The following LRRK1 variants were observed in gnomAD, a reference collection of about 807,000 sequenced individuals.
LRRK1 encodes leucine rich repeat kinase 1, also known as leucine-rich repeat serine/threonine-protein kinase 1.
A neutral mutation model predicts 209.1 loss-of-function variants in LRRK1; 113 were observed. The observed-to-expected ratio is 0.54, with a 90% CI of 0.46 to 0.63. LRRK1 has a LOEUF of 0.63. Among genes scored for constraint, LRRK1 ranks in the 30% least tolerant of loss-of-function variants. LRRK1 has a pLI of 0.00. For missense variants in LRRK1, 2,284 were observed against 2,632.2 expected, an observed-to-expected ratio of 0.87 and a Z score of 2.89; for synonymous variants, 1,144 against 1,099.7, an observed-to-expected ratio of 1.04 and a Z score of -0.80.
At chr15:100,934,626 CAAAAAAAAAAAAAA>C (rs71151991) in intron 2 of LRRK1, among the ~76,000 whole-genome samples, 3 of 72,384 alleles carry the variant, frequency 4.1e-5, no homozygotes, top group Admixed American at 1.5e-4. Context: ...CCCATCTCTA[CAAAAAAAAAAAAAA>C]AAAAAAAAAA....
chr15:101,031,798 G>A (rs755568874), intron 20 of LRRK1, among the ~76,000 whole-genome samples: 14 of 151,170 alleles, frequency 9.3e-5, no homozygotes, highest in Admixed American at 2.6e-4. Flanking sequence ...GCAGTGGCAC[G>A]ATCTTGGCTC....
At chr15:100,929,052 C>CT (rs1316397951) in intron 2 of LRRK1, among the ~76,000 whole-genome samples, 1 of 152,132 alleles carries the variant, frequency 6.6e-6, no homozygotes, top group African/African-American at 2.4e-5. Flanking sequence ...GGCTGCAGGA[C>CT]GCGCATTACT....
chr15:100,929,638 G>C (rs1596156354), intron 2 of LRRK1, among the ~76,000 whole-genome samples: 1 of 152,196 alleles, frequency 6.6e-6, no homozygotes, highest in East Asian at 1.9e-4. Flanking sequence ...GTCTACGAGG[G>C]ACAGATCCCC....
chr15:101,068,317 T>G (rs986448362), intron 33 of LRRK1, among the ~76,000 whole-genome samples: 3 of 152,132 alleles, frequency 2.0e-5, no homozygotes, highest in African/African-American at 4.8e-5. Context: ...TCATGAGCCA[T>G]TCACAAGCAG....
chr15:101,052,360 G>A (rs952488303), intron 24 of LRRK1, among the ~76,000 whole-genome samples: 1 of 152,056 alleles, frequency 6.6e-6, no homozygotes, highest in Non-Finnish European at 1.5e-5. Context: ...GGGGAGAGAA[G>A]GGAGAGCTCC....
chr15:101,053,117 T>G, intron 25 of LRRK1, 29 bp downstream of exon 25: 1 of 1,596,044 alleles, frequency 6.3e-7, no homozygotes, highest in Non-Finnish European at 8.5e-7. Context: ...GGTGCTGTTT[T>G]TCTCAGACAT....
chr15:100,953,639 A>G (rs938479656), intron 2 of LRRK1, among the ~76,000 whole-genome samples: 2 of 151,996 alleles, frequency 1.3e-5, no homozygotes, highest in African/African-American at 4.8e-5. Flanking sequence ...ACATACCGTT[A>G]ATATGGGGTT....
Position 101,046,151 on chromosome 15 carries a change from A to G in LRRK1, c.3134A>G (p.Gln1045Arg). The part of the protein sequence containing the change: ...MLISLAEMDL[Q>R]LFENKKNTKS... ...ATCAGCCTGGCGGAGATGGACCTGC[A>G]GGTATTATGGCTGCGGTTTCTGCAT... Residue 1045 changes from glutamine to arginine, a missense_variant and splice_region_variant, in exon 21 of 34, where the codon CAG becomes CGG. By Grantham distance (43) the Gln-to-Arg change is conservative. Coordinates refer to ENST00000388948, the MANE Select transcript of LRRK1 (RefSeq NM_024652.6). 6.2e-7 allele frequency: 1 copy of G among 1,614,132 alleles called. No individual in the cohort carries two copies.
chr15:100,940,964 C>T (rs1357104925), intron 2 of LRRK1, among the ~76,000 whole-genome samples: 1 of 152,242 alleles, frequency 6.6e-6, no homozygotes, highest in South Asian at 2.1e-4. Context: ...GACATTGTCA[C>T]TGTCAGCTGC....
Position 101,051,702 on chromosome 15 carries a change from C to G in LRRK1, c.3440-9C>G, listed in dbSNP as rs1447142819. The G allele has an allele frequency of 6.2e-7, 1 of 1,613,006 alleles. No homozygotes were observed. The highest frequency in any genetic ancestry group is 1.3e-5 in the African/African-American group (1 of 75,036). ...TTGTGAAGCTGTCTCCTGCTCTGTC[C>G]TTATTTAGCCCTGACAGCCACAGAG... On this transcript the variant is annotated splice_polypyrimidine_tract_variant and intron_variant, in intron 23 of 33. Coordinates refer to ENST00000388948, the MANE Select transcript of LRRK1 (RefSeq NM_024652.6).
chr15:100,974,699 T>A (rs973287308), intron 3 of LRRK1, among the ~76,000 whole-genome samples: 2 of 152,240 alleles, frequency 1.3e-5, no homozygotes, highest in African/African-American at 4.8e-5. Context: ...CATTCTTTTC[T>A]TATGGTAATG....
At chr15:100,952,334 A>G (rs1458727465) in intron 2 of LRRK1, among the ~76,000 whole-genome samples, 1 of 152,236 alleles carries the variant, frequency 6.6e-6, no homozygotes, top group Non-Finnish European at 1.5e-5. Context: ...ATCTCTCAAT[A>G]AAGCTGTGAT....
rs1567239695 is a variant in LRRK1, at chr15:101,022,674, G to A, written c.2067+77G>A. The A allele has an allele frequency of 1.8e-6, 2 of 1,088,318 alleles. No homozygotes were observed. Among genetic ancestry groups the A allele is most frequent in the Admixed American group, 2.3e-5 (1 of 43,690 alleles). 67.4% of individuals were successfully genotyped at this position (1,088,318 alleles called of 1,614,324 possible). On this transcript the variant is annotated intron_variant, in intron 15 of 33. Transcript: ENST00000388948. This position sits in a 1 kb window ranked among gnomAD's most constrained non-coding sequence, Gnocchi z 4.0. ...GGACTCCTTCTCCCTTCTCCCCAGA[G>A]AGCCCAGGATTTTCTCAGCCTGGTG... is the stretch of plus-strand genomic sequence containing the variant.
At position 101,012,032 on chromosome 15, in the gene LRRK1, G is replaced by A; in HGVS notation, c.1306G>A (p.Ala436Thr). 2 of 1,606,760 alleles carry A rather than the reference G, an allele frequency of 1.2e-6. No homozygotes were observed. The highest frequency in any genetic ancestry group is 1.1e-5 in the South Asian group (1 of 89,172). Residue 436 changes from alanine to threonine, a missense_variant, in exon 10 of 34, where the codon GCC becomes ACC. By Grantham distance (58) the Ala-to-Thr change is moderately conservative (BLOSUM62 0). This residue lies in a region of LRRK1 where 494 missense variants were observed against 522.1 expected (regional missense o/e 0.95). Coordinates refer to ENST00000388948, the MANE Select transcript of LRRK1 (RefSeq NM_024652.6). ...PLKCCKASRN[A>T]LECLPDKMAV... ...GAAATGTTGTAAAGCTTCCAGAAAT[G>A]CCCTGGAATGTCTGCCAGACAAAAT...
rs1417515443 is a variant in LRRK1 at position 101,077,039 on chromosome 15, C to A, written c.*8191C>A. The A allele has an allele frequency of 6.6e-6, 1 of 152,196 alleles. No homozygotes were observed. The highest frequency in any genetic ancestry group is 1.9e-4 in the East Asian group (1 of 5,202). 9.4% of individuals were successfully genotyped at this position (152,196 alleles called of 1,614,324 possible). A position where few individuals can be genotyped will look rare whatever the true frequency, so the allele number is the denominator to read the frequency against. On this transcript the variant is annotated 3_prime_UTR_variant, in exon 34 of 34. Transcript: ENST00000388948. ...TATATCCCTTACAGTCCTCAGCCTT[C>A]AGGAAAGGTAGAACGGACTAATGAT...
intron 22 of LRRK1, 108 bp downstream of exon 22, chr15:101,048,765 G>A (rs1404842202): frequency 7.5e-5 from 70 of 937,072 alleles, no homozygotes; most frequent in Admixed American, 6.2e-5. Context: ...AATTTTGCTC[G>A]TGAGAGCGGC....
Position 101,027,444 on chromosome 15 carries a change from CT to C in LRRK1, c.2526+65del. 1 of 1,581,136 alleles carries C rather than the reference CT, an allele frequency of 6.3e-7. No homozygotes were observed. Among genetic ancestry groups the C allele is most frequent in the South Asian group, 1.2e-5 (1 of 86,404 alleles). Reference sequence around the variant, plus strand: ...TGCTTCCCATTGTTGGGGGTCCTCACTTCCCCCTCTCTCCTGTGAAGCCCAT... The same window carrying C: ...TGCTTCCCATTGTTGGGGGTCCTCACTCCCCCTCTCTCCTGTGAAGCCCAT... On this transcript the variant is annotated intron_variant, in intron 18 of 33. Transcript: ENST00000388948. The surrounding 1 kb of genome is among the most constrained non-coding windows in gnomAD (Gnocchi z 5.1).
chr15:101,015,597 G>C (rs762730848), intron 12 of LRRK1, among the ~76,000 whole-genome samples, 195 bp downstream of exon 12: 4 of 152,202 alleles, frequency 2.6e-5, no homozygotes, highest in Non-Finnish European at 5.9e-5. Flanking sequence ...CGTGTGACAC[G>C]CAAGTATCCT....
At chr15:100,939,816 T>C (rs1267552506) in intron 2 of LRRK1, among the ~76,000 whole-genome samples, 3 of 152,250 alleles carry the variant, frequency 2.0e-5, no homozygotes, top group Non-Finnish European at 4.4e-5. Context: ...TTAGTTTTCT[T>C]ATTCATTCTA....
Sources: allele counts gnomAD v4.1 joint callset (sites outside exome capture counted in the v4.1 genomes callset), GRCh38; gene constraint gnomAD v4.1.1; regional missense constraint gnomAD v4.1.1; non-coding constraint Gnocchi (gnomAD v3.1); transcripts MANE v1.5; gene names NCBI Gene and HGNC (gene_info 2026-07-23, HGNC 2026-07-21).